The following FAT3 variants were observed in gnomAD, a reference collection of about 807,000 sequenced individuals.
FAT3 encodes protocadherin Fat 3.
In FAT3, 95 loss-of-function variants were observed where a neutral mutation model predicts 310.2. The observed-to-expected ratio is 0.31, with a 90% confidence interval of 0.26 to 0.36. FAT3 has a LOEUF of 0.36. Ranked by LOEUF, FAT3 falls within the 10% of genes least tolerant of loss-of-function variation. The pLI, the probability that FAT3 is intolerant of heterozygous loss-of-function variation, is 1.00. For missense variants in FAT3, 5,408 were observed against 5,715.6 expected, an observed-to-expected ratio of 0.95 and a Z score of 1.74; for synonymous variants, 2,314 against 2,192.9, an observed-to-expected ratio of 1.06 and a Z score of -1.54.
chr11:92,498,995 G>C (rs1275281263), intron 2 of FAT3: 1 of 151,852 alleles, frequency 6.6e-6, no homozygotes, highest in Non-Finnish European at 1.5e-5. Context: ...ACCTTCATGT[G>C]TTTATAGAGA....
chr11:92,806,873 A>G (rs552082919), intron 12 of FAT3, among the ~76,000 whole-genome samples: 10 of 152,136 alleles, frequency 6.6e-5, no homozygotes, highest in Non-Finnish European at 1.2e-4. Flanking sequence ...AATAATCTGG[A>G]GGGCATCCAT....
chr11:92,434,010 A>G (rs755710529), intron 2 of FAT3, among the ~76,000 whole-genome samples: 4 of 89,898 alleles, frequency 4.4e-5, no homozygotes, highest in Non-Finnish European at 1.1e-4. Context: ...AGGGAGACTC[A>G]GTCTCAAAAA....
intron 2 of FAT3, among the ~76,000 whole-genome samples, chr11:92,513,344 G>T (rs555450005): frequency 6.6e-6 from 1 of 152,210 alleles, no homozygotes; most frequent in South Asian, 2.1e-4. Flanking sequence ...TTTCTGTGAA[G>T]GCATTAAGAA....
In FAT3 at chr11:92,599,712, A is replaced by G. The variant is rs148863452; in HGVS notation, c.3607+74764A>G. ...CCTAAGAAAATAGTTTCATCAGTAA[A>G]AATTATATCTTAATTATACAGCCAG... On this transcript the variant is annotated intron_variant, in intron 3 of 27. Transcript: ENST00000525166. Among the ~76,000 whole-genome samples the G allele has an allele frequency of 3.6e-3, 542 of 152,316 alleles. 7 individuals carry two copies. Among genetic ancestry groups the G allele is most frequent in the African/African-American group, 6.3e-3 (260 of 41,564 alleles).
At chr11:92,729,893 TA>T (rs1445179019) in intron 4 of FAT3, among the ~76,000 whole-genome samples, 1 of 152,224 alleles carries the variant, frequency 6.6e-6, no homozygotes, top group African/African-American at 2.4e-5. Flanking sequence ...AAGACTACTC[TA>T]AAATTTACTT....
chr11:92,289,536 CAT>C lies in FAT3; in HGVS notation c.-17-62553_-17-62552del, dbSNP rs1463070776. 7.7e-4 allele frequency among the ~76,000 whole-genome samples: 98 copies of C among 127,670 alleles called. 1 individual carries two copies. Among genetic ancestry groups the C allele is most frequent in the African/African-American group, 2.5e-3 (77 of 31,072 alleles). 83.8% of individuals were successfully genotyped at this position (127,670 alleles called of 152,430 possible). On this transcript the variant is annotated intron_variant, in intron 1 of 27. Transcript: ENST00000525166. Reference sequence around the variant, plus strand: ...ACACACACACACACACACACACACACATATATATGTGCACATTTTACATATAT... The same window carrying C: ...ACACACACACACACACACACACACACATATATGTGCACATTTTACATATAT...
intron 3 of FAT3, among the ~76,000 whole-genome samples, chr11:92,574,860 T>C (rs1490026277): frequency 6.6e-6 from 1 of 152,132 alleles, no homozygotes; most frequent in Admixed American, 6.6e-5. Context: ...GTGATGGGGG[T>C]AGTGATGCTC....
In FAT3 at chr11:92,867,045, C is replaced by T. The variant is rs780289899; in HGVS notation, c.11963C>T (p.Ser3988Leu). 6.9e-6 allele frequency: 11 copies of T among 1,588,856 alleles called. No homozygotes were observed. Among genetic ancestry groups the T allele is most frequent in the East Asian group, 2.3e-5 (1 of 43,688 alleles). ...VLSGFQGCLD[S>L]VILNNNELPL... Reference sequence around the variant, plus strand: ...AGCGGCTTCCAGGGCTGCCTGGACTCGGTGATACTGAATAACAATGAGCTG... The same window carrying T: ...AGCGGCTTCCAGGGCTGCCTGGACTTGGTGATACTGAATAACAATGAGCTG... Residue 3988 changes from serine to leucine, a missense_variant, in exon 22 of 28, where the codon TCG becomes TTG. By Grantham distance (145) the Ser-to-Leu change is moderately radical. Transcript: ENST00000525166.
At chr11:92,457,734 C>T (rs1951528981) in intron 2 of FAT3, among the ~76,000 whole-genome samples, 1 of 150,930 alleles carries the variant, frequency 6.6e-6, no homozygotes, top group African/African-American at 2.5e-5. Flanking sequence ...CCAGCCTGAC[C>T]AATATGGTGA....
chr11:92,225,285 G>A (rs978422839), intron 1 of FAT3, among the ~76,000 whole-genome samples, 111 bp downstream of exon 1: 3 of 152,204 alleles, frequency 2.0e-5, no homozygotes, highest in Non-Finnish European at 4.4e-5. Context: ...GAGGTGGGCT[G>A]GGGAGGCGAG....
chr11:92,649,887 A>G (rs1263481173), intron 3 of FAT3, among the ~76,000 whole-genome samples: 6 of 58,742 alleles, frequency 1.0e-4, no homozygotes, highest in African/African-American at 3.8e-4. Context: ...ATATATATAT[A>G]TATATATATA....
chr11:92,465,989 A>G (rs1429913623), intron 2 of FAT3, among the ~76,000 whole-genome samples: 1 of 152,192 alleles, frequency 6.6e-6, no homozygotes, highest in Non-Finnish European at 1.5e-5. Flanking sequence ...TTTAGTATTA[A>G]TAAGTGTTGA....
chr11:92,358,879 G>C (rs1408934952), intron 2 of FAT3, among the ~76,000 whole-genome samples: 1 of 152,170 alleles, frequency 6.6e-6, no homozygotes, highest in African/African-American at 2.4e-5. Flanking sequence ...CTGAGTCTCA[G>C]GTCTAGACTC....
chr11:92,245,992 TGTC>T (rs1864887771), intron 1 of FAT3, among the ~76,000 whole-genome samples: 1 of 152,092 alleles, frequency 6.6e-6, no homozygotes, highest in Admixed American at 6.6e-5. Flanking sequence ...TCTCATCTCC[TGTC>T]AGCAGGGTGA....
chr11:92,573,067 C>T (rs1938267365), intron 3 of FAT3, among the ~76,000 whole-genome samples: 1 of 152,088 alleles, frequency 6.6e-6, no homozygotes, highest in East Asian at 1.9e-4. Flanking sequence ...CTCCACTTTC[C>T]CTGCAACTTC....
intron 2 of FAT3, among the ~76,000 whole-genome samples, chr11:92,499,754 T>TGA (rs1491040958): frequency 1.3e-5 from 2 of 150,648 alleles, no homozygotes; most frequent in African/African-American, 4.9e-5. Flanking sequence ...TGTGTGTGTG[T>TGA]GAAAAGTCAC....
chr11:92,248,973 C>T (rs1371182724), intron 1 of FAT3, among the ~76,000 whole-genome samples: 3 of 152,082 alleles, frequency 2.0e-5, no homozygotes, highest in Admixed American at 6.6e-5. Context: ...GGATTACCTA[C>T]GATCACATAA....
chr11:92,507,127 G>A (rs1953127757), intron 2 of FAT3, among the ~76,000 whole-genome samples: 1 of 152,188 alleles, frequency 6.6e-6, no homozygotes, highest in South Asian at 2.1e-4. Flanking sequence ...TGCCTCTGGT[G>A]CTGTCGACAG....
intron 3 of FAT3, among the ~76,000 whole-genome samples, chr11:92,659,303 A>G (rs1353372880): frequency 1.3e-5 from 2 of 152,190 alleles, no homozygotes; most frequent in Non-Finnish European, 2.9e-5. Context: ...ATTCATTCCT[A>G]CTGAAGAATA....
Sources: allele counts gnomAD v4.1 joint callset (sites outside exome capture counted in the v4.1 genomes callset), GRCh38; gene constraint gnomAD v4.1.1; transcripts MANE v1.5; gene names NCBI Gene and HGNC (gene_info 2026-07-23, HGNC 2026-07-21).